Variants in ROBO2 observed in about 807,000 individuals in gnomAD.
The protein encoded by ROBO2 is roundabout homolog 2.
Under a neutral mutation model 160.8 loss-of-function variants are expected in ROBO2, and 53 were observed. The ratio of observed to expected loss-of-function variants is 0.33; its 90% CI spans 0.26 to 0.41. The LOEUF (loss-of-function observed/expected upper bound fraction) is 0.41, where lower values mean the gene tolerates loss of function less well. Among genes scored for constraint, ROBO2 ranks in the 10% least tolerant of loss-of-function variants. The pLI is 1.00. For synonymous variants in ROBO2, 664 were observed against 611.7 expected, an observed-to-expected ratio of 1.09 and a Z score of -1.26; for missense variants, 1,577 against 1,722.4, an observed-to-expected ratio of 0.92 and a Z score of 1.49.
At position 77,565,010 on chromosome 3, in the gene ROBO2, A is replaced by G. The variant is rs149389279; in HGVS notation, c.1739A>G (p.Tyr580Cys). The change falls in exon 12 of 26, where the codon TAT (tyrosine) becomes TGT (cysteine). Residue 580 changes from tyrosine to cysteine, a missense_variant. Coordinates refer to ENST00000461745, the Ensembl canonical transcript of ROBO2. ...GCAAACCATGTAAAGACCACCCTCT[A>G]TACTGTAAGAGGACTGCGGCCCAAT... The G allele has an allele frequency of 1.6e-4, 261 of 1,613,572 alleles. 1 individual carries two copies. In the East Asian group the frequency reaches 4.4e-3, roughly 27 times the overall value.
At chr3:77,378,475 G>A (rs2072989043) in intron 2 of ROBO2, among the ~76,000 whole-genome samples, 1 of 152,048 alleles carries the variant, frequency 6.6e-6, no homozygotes, top group Non-Finnish European at 1.5e-5. Context: ...AGGACATTTG[G>A]CTCCAGTGTC....
At chr3:76,710,346 C>G (rs1036409960) in intron 2 of ROBO2, among the ~76,000 whole-genome samples, 6 of 152,096 alleles carry the variant, frequency 3.9e-5, no homozygotes, top group African/African-American at 1.2e-4. Flanking sequence ...GTCTTGATCC[C>G]TTGACCTTGT....
chr3:77,042,550 G>A (rs954247736), intron 1 of ROBO2, among the ~76,000 whole-genome samples: 2 of 152,164 alleles, frequency 1.3e-5, no homozygotes, highest in Non-Finnish European at 2.9e-5. Flanking sequence ...CAGTGGAAGT[G>A]ACAGGAAATC....
chr3:76,851,586 T>G (rs2069360164), intron 2 of ROBO2, among the ~76,000 whole-genome samples: 1 of 144,922 alleles, frequency 6.9e-6, no homozygotes, highest in African/African-American at 2.6e-5. Context: ...ATACAAAAAA[T>G]TAGCCGGGCG....
Position 76,039,892 on chromosome 3 carries a change from C to T in ROBO2, c.109+102290C>T, listed in dbSNP as rs1004256014. Reference sequence around the variant, plus strand: ...TATCTTCAGAACTGATTGCATTCCACTTCGGAGAATAAATGACATGACATC... The same window carrying T: ...TATCTTCAGAACTGATTGCATTCCATTTCGGAGAATAAATGACATGACATC... On this transcript the variant is annotated intron_variant, in intron 2 of 26. Transcript: ENST00000487694. 4.6e-5 allele frequency among the ~76,000 whole-genome samples: 7 copies of T among 152,014 alleles called. 1 individual carries two copies. The highest frequency in any genetic ancestry group is 1.7e-4 in the African/African-American group (7 of 41,276).
intron 2 of ROBO2, among the ~76,000 whole-genome samples, chr3:76,671,356 C>T (rs1445837735): frequency 5.3e-5 from 8 of 152,082 alleles, no homozygotes; most frequent in African/African-American, 1.7e-4. Flanking sequence ...CCCTGTAGAA[C>T]GTAAAACCTA....
chr3:76,752,304 G>T (rs1031560653), intron 2 of ROBO2, among the ~76,000 whole-genome samples: 11 of 151,906 alleles, frequency 7.2e-5, no homozygotes, highest in Admixed American at 1.3e-4. Context: ...GGGGGTAGGG[G>T]GGAGGGATAG....
At chr3:76,155,828 A>G (rs2072385239) in intron 2 of ROBO2, among the ~76,000 whole-genome samples, 1 of 152,194 alleles carries the variant, frequency 6.6e-6, no homozygotes, top group African/African-American at 2.4e-5. Context: ...GATGCATGTA[A>G]ATGGTATTAC....
intron 2 of ROBO2, among the ~76,000 whole-genome samples, chr3:76,081,529 C>T (rs1473527577): frequency 1.3e-5 from 2 of 152,174 alleles, no homozygotes; most frequent in African/African-American, 2.4e-5. Context: ...CAACACCTGG[C>T]ATAGAATTGG....
chr3:75,925,147 C>T (rs1016202787), intron 1 of ROBO2, among the ~76,000 whole-genome samples: 7 of 151,918 alleles, frequency 4.6e-5, no homozygotes, highest in African/African-American at 1.4e-4. Flanking sequence ...CATCCCAGCA[C>T]TTTGGGAGGC....
intron 2 of ROBO2, among the ~76,000 whole-genome samples, chr3:76,629,877 C>T (rs2089915537): frequency 6.6e-6 from 1 of 152,148 alleles, no homozygotes; most frequent in Non-Finnish European, 1.5e-5. Flanking sequence ...CACCCCTTTC[C>T]AAACAACTTA....
At chr3:75,988,478 G>A (rs1217643783) in intron 2 of ROBO2, among the ~76,000 whole-genome samples, 2 of 151,772 alleles carry the variant, frequency 1.3e-5, no homozygotes, top group Non-Finnish European at 2.9e-5. Flanking sequence ...TCAACTTTTG[G>A]TTTCATTGAT....
intron 2 of ROBO2, among the ~76,000 whole-genome samples, chr3:77,004,865 G>A (rs757209516): frequency 2.4e-4 from 37 of 152,100 alleles, no homozygotes; most frequent in Non-Finnish European, 4.9e-4. Flanking sequence ...AGACATTTCA[G>A]ACACAGTATT....
chr3:76,304,173 T>C (rs775604419), intron 2 of ROBO2, among the ~76,000 whole-genome samples: 29 of 152,356 alleles, frequency 1.9e-4, no homozygotes, highest in South Asian at 4.1e-4. Context: ...ATATATTATA[T>C]GTTACCATAC....
chr3:77,584,274 G>A (rs1523765), intron 16 of ROBO2, among the ~76,000 whole-genome samples: 17,432 of 151,952 alleles, frequency 0.11, 1,115 homozygotes, highest in Admixed American at 0.15. Flanking sequence ...TATGGATTGC[G>A]GTGCTCCCTA....
At chr3:76,990,187 G>A (rs2060591203) in intron 2 of ROBO2, among the ~76,000 whole-genome samples, 1 of 152,238 alleles carries the variant, frequency 6.6e-6, no homozygotes, top group East Asian at 1.9e-4. Context: ...TCATCACGAT[G>A]TATTTTCTTC....
At chr3:77,341,078 A>G (rs936783303) in intron 2 of ROBO2, among the ~76,000 whole-genome samples, 1 of 152,168 alleles carries the variant, frequency 6.6e-6, no homozygotes, top group African/African-American at 2.4e-5. Flanking sequence ...GGTGTTCAAA[A>G]GTATTGTTGG....
At chr3:77,079,279 A>G (rs936564453) in intron 1 of ROBO2, among the ~76,000 whole-genome samples, 1 of 152,164 alleles carries the variant, frequency 6.6e-6, no homozygotes. Context: ...AACTATTAAT[A>G]CTTTGTGTTA....
At chr3:77,078,440 T>G (rs1365858357) in intron 1 of ROBO2, among the ~76,000 whole-genome samples, 1 of 152,174 alleles carries the variant, frequency 6.6e-6, no homozygotes, top group Non-Finnish European at 1.5e-5. Flanking sequence ...GAGTTAGCAA[T>G]TTGCCCACAG....
Sources: allele counts gnomAD v4.1 joint callset (sites outside exome capture counted in the v4.1 genomes callset), GRCh38; gene constraint gnomAD v4.1.1; transcripts MANE v1.5; gene names NCBI Gene and HGNC (gene_info 2026-07-23, HGNC 2026-07-21).